BCL2: variants seen among roughly 807,000 people sequenced by gnomAD.
BCL2 encodes the protein apoptosis regulator Bcl-2.
BCL2 carries 1 observed loss-of-function variant against 14.2 expected under a neutral mutation model. That is an observed-to-expected ratio of 0.07 (90% confidence interval 0.02 to 0.33). The LOEUF (loss-of-function observed/expected upper bound fraction) is 0.33. Ranked by LOEUF, BCL2 falls within the 10% of genes least tolerant of loss-of-function variation. The pLI is 0.99. For synonymous variants in BCL2, 151 were observed against 137.2 expected (o/e 1.10, Z -0.70); for missense variants, 247 against 305.9 (o/e 0.81, Z 1.44).
At chr18:63,273,955 A>T (rs983004893) in intron 2 of BCL2, among the ~76,000 whole-genome samples, 1 of 152,234 alleles carries the variant, frequency 6.6e-6, no homozygotes, top group Non-Finnish European at 1.5e-5. Context: ...GAATAAAAAC[A>T]CATATTCCTC....
At chr18:63,238,139 C>T (rs1227084530) in intron 2 of BCL2, among the ~76,000 whole-genome samples, 4 of 152,304 alleles carry the variant, frequency 2.6e-5, no homozygotes, top group African/African-American at 4.8e-5. Context: ...GAGGGCAACA[C>T]AACATGTATT....
chr18:63,213,091 T>C (rs12956104), intron 2 of BCL2, among the ~76,000 whole-genome samples: 75,188 of 152,014 alleles, frequency 0.49, 20,126 homozygotes, highest in Non-Finnish European at 0.61. Context: ...GGCAGGCAGG[T>C]AGGCCGATTC....
chr18:63,169,182 G>A (rs778447382), intron 2 of BCL2, among the ~76,000 whole-genome samples: 16 of 152,166 alleles, frequency 1.1e-4, no homozygotes, highest in South Asian at 2.1e-4. Context: ...TCTTTTGGGC[G>A]GTCAGAAACA....
intron 2 of BCL2, among the ~76,000 whole-genome samples, chr18:63,181,065 T>C (rs1375784637): frequency 2.0e-5 from 3 of 152,284 alleles, no homozygotes; most frequent in Admixed American, 6.5e-5. Flanking sequence ...AGGCCCCAAA[T>C]GTAAAGCTTT....
intron 2 of BCL2, among the ~76,000 whole-genome samples, chr18:63,139,376 C>T (rs935140705): frequency 2.0e-5 from 3 of 152,178 alleles, no homozygotes; most frequent in Non-Finnish European, 4.4e-5. Flanking sequence ...ATCTATATGA[C>T]CTTGAAATCT....
chr18:63,244,039 T>C (rs1441707398), intron 2 of BCL2, among the ~76,000 whole-genome samples: 1 of 151,796 alleles, frequency 6.6e-6, no homozygotes, highest in Non-Finnish European at 1.5e-5. Context: ...AGGTCAGGAG[T>C]TCGAGACCAG....
At chr18:63,164,795 C>T (rs924243935) in intron 2 of BCL2, among the ~76,000 whole-genome samples, 22 of 152,170 alleles carry the variant, frequency 1.4e-4, no homozygotes, top group South Asian at 1.2e-3. Context: ...AGATTTAAGG[C>T]GTGAACGTCA....
At chr18:63,300,442 C>T (rs1481146638) in intron 2 of BCL2, among the ~76,000 whole-genome samples, 2 of 148,644 alleles carry the variant, frequency 1.3e-5, no homozygotes, top group African/African-American at 2.4e-5. Flanking sequence ...AGAAAGAGAT[C>T]TTGTGCTCCT....
chr18:63,283,841 C>T (rs188760585), intron 2 of BCL2, among the ~76,000 whole-genome samples: 243 of 152,328 alleles, frequency 1.6e-3, no homozygotes, highest in Non-Finnish European at 2.8e-3. Flanking sequence ...AAGACACATT[C>T]AAATGTGAGA....
intron 2 of BCL2, among the ~76,000 whole-genome samples, chr18:63,219,850 T>G (rs1475978879): frequency 6.6e-6 from 1 of 152,188 alleles, no homozygotes; most frequent in Non-Finnish European, 1.5e-5. Flanking sequence ...ATAATCCAGT[T>G]TGGGGATCAT....
At chr18:63,194,294 T>C (rs947669285) in intron 2 of BCL2, among the ~76,000 whole-genome samples, 4 of 152,124 alleles carry the variant, frequency 2.6e-5, no homozygotes, top group African/African-American at 7.2e-5. Flanking sequence ...AGCAGAATTA[T>C]TGGATATGTT....
intron 2 of BCL2, among the ~76,000 whole-genome samples, chr18:63,214,679 G>T (rs78982578): frequency 0.022 from 3,334 of 151,422 alleles, 112 homozygotes; most frequent in Admixed American, 0.09. Flanking sequence ...GGGCCCTAAG[G>T]CTCATTTCTT....
chr18:63,229,956 C>T (rs1364795591), intron 2 of BCL2, among the ~76,000 whole-genome samples: 1 of 151,952 alleles, frequency 6.6e-6, no homozygotes, highest in Non-Finnish European at 1.5e-5. Context: ...TAGTACACAT[C>T]TCTATGAAAT....
At chr18:63,168,530 CGGACTGATGACT>C (rs1398165774) in intron 2 of BCL2, among the ~76,000 whole-genome samples, 3 of 152,190 alleles carry the variant, frequency 2.0e-5, no homozygotes, top group Non-Finnish European at 2.9e-5. Flanking sequence ...AGTTCTAACA[CGGACTGATGACT>C]CTGCATGGAG....
intron 2 of BCL2, among the ~76,000 whole-genome samples, chr18:63,185,647 A>G (rs966899488): frequency 4.6e-5 from 7 of 152,238 alleles, no homozygotes; most frequent in Non-Finnish European, 7.3e-5. Context: ...GAGTCTAGGT[A>G]GTAACCCTCA....
intron 2 of BCL2, chr18:63,315,812 A>T (rs996921711): frequency 2.6e-5 from 4 of 152,202 alleles, no homozygotes; most frequent in African/African-American, 9.6e-5. Flanking sequence ...TCATTCTCAA[A>T]CACTACCACT....
intron 2 of BCL2, among the ~76,000 whole-genome samples, chr18:63,167,447 G>A (rs999595775): frequency 1.3e-5 from 2 of 152,152 alleles, no homozygotes; most frequent in East Asian, 1.9e-4. Flanking sequence ...GGCTGACAAA[G>A]GAGATTTAGA....
chr18:63,210,605 CTG>C (rs1346197177), intron 2 of BCL2, among the ~76,000 whole-genome samples: 1 of 152,158 alleles, frequency 6.6e-6, no homozygotes, highest in Non-Finnish European at 1.5e-5. Context: ...TATAAAGAAA[CTG>C]AACTTCTAAC....
intron 2 of BCL2, among the ~76,000 whole-genome samples, chr18:63,304,868 A>T (rs1274964525): frequency 6.6e-6 from 1 of 152,260 alleles, no homozygotes; most frequent in Non-Finnish European, 1.5e-5. Flanking sequence ...AGGAATTCAA[A>T]GAAATAAAGG....
Sources: allele counts gnomAD v4.1 joint callset (sites outside exome capture counted in the v4.1 genomes callset), GRCh38; gene constraint gnomAD v4.1.1; transcripts MANE v1.5; gene names NCBI Gene and HGNC (gene_info 2026-07-23, HGNC 2026-07-21).